GABBR2: variants seen among roughly 807,000 people sequenced by gnomAD.
The protein encoded by GABBR2 is G-protein coupled receptor 51.
Under a neutral mutation model 105.6 loss-of-function variants are expected in GABBR2, and 23 were observed. That is an observed-to-expected ratio of 0.22 (90% CI 0.16 to 0.31). The LOEUF is 0.31. Among genes scored for constraint, GABBR2 ranks in the 10% least tolerant of loss-of-function variants. GABBR2 has a pLI of 1.00. For synonymous variants in GABBR2, 478 were observed against 499.7 expected, an observed-to-expected ratio of 0.96 and a Z score of 0.58; for missense variants, 734 against 1,245.5, an observed-to-expected ratio of 0.59 and a Z score of 6.18.
chr9:98,300,857 T>C (rs1188646537), intron 16 of GABBR2, among the ~76,000 whole-genome samples: 1 of 152,186 alleles, frequency 6.6e-6, no homozygotes, highest in Non-Finnish European at 1.5e-5. Context: ...CAGAAAGGCC[T>C]TGCTGGGTTT....
At chr9:98,449,134 C>G (rs1826188314) in intron 7 of GABBR2, among the ~76,000 whole-genome samples, 1 of 152,216 alleles carries the variant, frequency 6.6e-6, no homozygotes, top group Admixed American at 6.5e-5. Flanking sequence ...TGCATCCTTG[C>G]TCCCACCACA....
chr9:98,375,405 C>A (rs1831854755), intron 11 of GABBR2: 1 of 152,162 alleles, frequency 6.6e-6, no homozygotes, highest in Non-Finnish European at 1.5e-5. Context: ...TTCTGCTCTG[C>A]TGGTCACACA....
In GABBR2 at chr9:98,289,026, C is replaced by T. The variant is rs1289630393; in HGVS notation, c.*1558G>A. ...CATTGTCATTCAGGCCTTTCTTGAG[C>T]AAAGAATGAACCTGTCTAGGAATGT... On this transcript the variant is annotated 3_prime_UTR_variant, in exon 19 of 19. Transcript: ENST00000259455. 6.5e-6 allele frequency: 1 copy of T among 152,728 alleles called. No homozygotes were observed. The highest frequency in any genetic ancestry group is 1.9e-4 in the East Asian group (1 of 5,174). The allele number at this position is 152,728 out of a possible 1,614,324, so 9.5% of individuals were successfully genotyped here.
At chr9:98,299,979 C>T (rs770731536) in intron 16 of GABBR2, among the ~76,000 whole-genome samples, 6 of 151,946 alleles carry the variant, frequency 3.9e-5, no homozygotes, top group Non-Finnish European at 1.5e-5. Context: ...CCTCCTGTCT[C>T]ACCCTCCTGA....
At chr9:98,307,571 A>G (rs918586354) in intron 14 of GABBR2, among the ~76,000 whole-genome samples, 1 of 152,228 alleles carries the variant, frequency 6.6e-6, no homozygotes, top group Admixed American at 6.5e-5. Context: ...CGATGGCAGC[A>G]TAACGCTGTG....
At chr9:98,563,853 T>A (rs1828713266) in intron 2 of GABBR2, among the ~76,000 whole-genome samples, 1 of 152,154 alleles carries the variant, frequency 6.6e-6, no homozygotes, top group African/African-American at 2.4e-5. Context: ...GCAAAAGCCT[T>A]CTGTATAATT....
chr9:98,570,874 T>C (rs1263799623), intron 2 of GABBR2, among the ~76,000 whole-genome samples: 1 of 152,186 alleles, frequency 6.6e-6, no homozygotes, highest in Non-Finnish European at 1.5e-5. Context: ...TGGGTGACTT[T>C]AGGTCTGGCA....
At chr9:98,566,597 C>G (rs1828753853) in intron 2 of GABBR2, among the ~76,000 whole-genome samples, 1 of 152,014 alleles carries the variant, frequency 6.6e-6, no homozygotes, top group Non-Finnish European at 1.5e-5. Flanking sequence ...ATCATTTGAA[C>G]CCAGGAGGTG....
At chr9:98,512,599 T>C (rs1442886808) in intron 3 of GABBR2, among the ~76,000 whole-genome samples, 2 of 152,160 alleles carry the variant, frequency 1.3e-5, no homozygotes, top group Non-Finnish European at 2.9e-5. Context: ...CAAGCATTCT[T>C]ATACACCAAT....
chr9:98,516,616 A>T (rs1827760992), intron 3 of GABBR2, among the ~76,000 whole-genome samples: 1 of 152,098 alleles, frequency 6.6e-6, no homozygotes, highest in African/African-American at 2.4e-5. Flanking sequence ...ACCCTTTCCA[A>T]AATCCAAGAC....
At chr9:98,304,349 T>G (rs1207841632) in intron 15 of GABBR2, 1 of 152,262 alleles carries the variant, frequency 6.6e-6, no homozygotes, top group Non-Finnish European at 1.5e-5. Flanking sequence ...CTGGGGAGAC[T>G]AGAGGAGACC....
At position 98,357,730 on chromosome 9, in the gene GABBR2, T is replaced by C. The variant is rs894402898; in HGVS notation, c.1893+4985A>G. ...GTTTCTGAAGAGGAGATATAATGTATATGTACAATTTGAAGAACAGAATTG... is the reference window on the plus strand; with the variant it reads ...GTTTCTGAAGAGGAGATATAATGTACATGTACAATTTGAAGAACAGAATTG... On this transcript the variant is annotated intron_variant, in intron 13 of 18. Coordinates refer to ENST00000259455, the MANE Select transcript of GABBR2 (RefSeq NM_005458.8). Among the ~76,000 whole-genome samples, 17 of 152,110 alleles carry C rather than the reference T, an allele frequency of 1.1e-4. 1 individual carries two copies. The highest frequency in any genetic ancestry group is 7.3e-5 in the Non-Finnish European group (5 of 68,028).
intron 6 of GABBR2, among the ~76,000 whole-genome samples, chr9:98,463,231 T>A (rs1826455931): frequency 6.6e-6 from 1 of 152,188 alleles, no homozygotes; most frequent in Admixed American, 6.5e-5. Context: ...AAAACATTTC[T>A]GAGAGAAATT....
At chr9:98,646,219 G>A (rs1830027690) in intron 1 of GABBR2, among the ~76,000 whole-genome samples, 2 of 152,282 alleles carry the variant, frequency 1.3e-5, no homozygotes, top group East Asian at 1.9e-4. Flanking sequence ...CAGACAATAT[G>A]GTTCCTACTA....
intron 11 of GABBR2, among the ~76,000 whole-genome samples, chr9:98,376,325 G>C (rs544742473): frequency 6.6e-6 from 1 of 152,180 alleles, no homozygotes; most frequent in South Asian, 2.1e-4. Context: ...GACAGATGAC[G>C]CATGGGACTG....
intron 12 of GABBR2, among the ~76,000 whole-genome samples, chr9:98,365,991 T>G (rs1466905016): frequency 6.6e-6 from 1 of 152,202 alleles, no homozygotes; most frequent in African/African-American, 2.4e-5. Context: ...CCTCTCTCTG[T>G]GGGTAGGAGG....
intron 13 of GABBR2, among the ~76,000 whole-genome samples, chr9:98,346,973 A>AT (rs1313461189): frequency 6.6e-6 from 1 of 151,908 alleles, no homozygotes; most frequent in African/African-American, 2.4e-5. Context: ...TTCTTTATCC[A>AT]TTTTTCTGTT....
chr9:98,335,694 C>A (rs1831102683), intron 13 of GABBR2, among the ~76,000 whole-genome samples: 1 of 152,206 alleles, frequency 6.6e-6, no homozygotes, highest in Non-Finnish European at 1.5e-5. Flanking sequence ...AACAACCAAA[C>A]TTCCTCTTCA....
intron 7 of GABBR2, among the ~76,000 whole-genome samples, chr9:98,449,928 T>C (rs1312655014): frequency 1.3e-5 from 2 of 151,704 alleles, no homozygotes; most frequent in Non-Finnish European, 2.9e-5. Flanking sequence ...CTGAGGAGAG[T>C]CACTGGGAGC....
Sources: allele counts gnomAD v4.1 joint callset (sites outside exome capture counted in the v4.1 genomes callset), GRCh38; gene constraint gnomAD v4.1.1; transcripts MANE v1.5; gene names NCBI Gene and HGNC (gene_info 2026-07-23, HGNC 2026-07-21).